PPHLN1: variants seen among roughly 807,000 people sequenced by gnomAD.
PPHLN1 encodes periphilin 1.
PPHLN1 carries 29 observed loss-of-function variants against 51.3 expected under a neutral mutation model. The observed-to-expected ratio is 0.57, with a 90% CI of 0.42 to 0.77. The LOEUF is 0.77. PPHLN1 is among the 30% of genes least tolerant of loss of function. The pLI, the probability that PPHLN1 is intolerant of heterozygous loss-of-function variation, is 0.00. For synonymous variants in PPHLN1, 147 were observed against 147.8 expected, an observed-to-expected ratio of 0.99 and a Z score of 0.04; for missense variants, 436 against 438.4, an observed-to-expected ratio of 0.99 and a Z score of 0.05.
intron 3 of PPHLN1, among the ~76,000 whole-genome samples, chr12:42,353,088 C>G (rs1482631130): frequency 7.1e-6 from 1 of 140,616 alleles, no homozygotes; most frequent in Non-Finnish European, 1.6e-5. Context: ...GACTTTGTCT[C>G]AAAAAAAAAA....
At chr12:42,401,288 A>G (rs1052796906) in intron 9 of PPHLN1, among the ~76,000 whole-genome samples, 6 of 152,146 alleles carry the variant, frequency 3.9e-5, no homozygotes, top group African/African-American at 1.4e-4. Flanking sequence ...CTCTCTTTTT[A>G]TTTTTATTTG....
At chr12:42,356,908 TA>T (rs1438891756) in intron 4 of PPHLN1, among the ~76,000 whole-genome samples, 1 of 152,194 alleles carries the variant, frequency 6.6e-6, no homozygotes, top group East Asian at 1.9e-4. Flanking sequence ...TTAAAGATAA[TA>T]TAATTATGCA....
intron 5 of PPHLN1, 140 bp from the exon 6 acceptor site, chr12:42,384,800 G>T: frequency 1.5e-6 from 1 of 667,930 alleles, no homozygotes; most frequent in Non-Finnish European, 2.5e-6. Flanking sequence ...CAACTTGAAA[G>T]TAGGGTAGGA....
intron 2 of PPHLN1, among the ~76,000 whole-genome samples, chr12:42,345,103 C>T (rs1029700333): frequency 4.6e-5 from 7 of 152,016 alleles, no homozygotes; most frequent in African/African-American, 1.2e-4. Context: ...TTCCTGTAAC[C>T]GATAGGTATA....
intron 7 of PPHLN1, among the ~76,000 whole-genome samples, chr12:42,388,564 G>A (rs1024417173): frequency 6.6e-6 from 1 of 152,128 alleles, no homozygotes; most frequent in East Asian, 1.9e-4. Flanking sequence ...ACCGGTGCTG[G>A]TGCAGGTCCT....
chr12:42,420,280 T>C (rs191106357), intron 9 of PPHLN1, among the ~76,000 whole-genome samples: 1 of 152,156 alleles, frequency 6.6e-6, no homozygotes, highest in Non-Finnish European at 1.5e-5. Flanking sequence ...TCATCTTGAA[T>C]GGTACAACTC....
chr12:42,345,351 A>G (rs1422381474), intron 2 of PPHLN1, among the ~76,000 whole-genome samples: 2 of 152,052 alleles, frequency 1.3e-5, no homozygotes, highest in African/African-American at 4.8e-5. Flanking sequence ...TTCCAAAAGT[A>G]TTTAAGTTTA....
At chr12:42,413,791 G>A (rs1477336975) in intron 9 of PPHLN1, among the ~76,000 whole-genome samples, 1 of 151,956 alleles carries the variant, frequency 6.6e-6, no homozygotes, top group Admixed American at 6.6e-5. Context: ...TCAAACTTCT[G>A]ACCACAAGTG....
intron 9 of PPHLN1, chr12:42,400,542 G>A (rs1181167696): frequency 6.6e-6 from 1 of 151,588 alleles, no homozygotes; most frequent in Non-Finnish European, 1.5e-5. Flanking sequence ...TGACCTTCGA[G>A]TAGTCCCTAA....
intron 9 of PPHLN1, among the ~76,000 whole-genome samples, chr12:42,419,272 C>T (rs1291845109): frequency 2.6e-5 from 4 of 152,102 alleles, no homozygotes; most frequent in Admixed American, 2.0e-4. Context: ...GATGGAGTCT[C>T]ACTCTGTTGC....
At chr12:42,388,496 A>G (rs529217897) in intron 7 of PPHLN1, among the ~76,000 whole-genome samples, 1 of 152,162 alleles carries the variant, frequency 6.6e-6, no homozygotes, top group South Asian at 2.1e-4. Context: ...CTGCTCTCCT[A>G]CTGCATTCCT....
intron 5 of PPHLN1, among the ~76,000 whole-genome samples, chr12:42,382,514 C>T (rs1218004557): frequency 6.6e-6 from 1 of 152,018 alleles, no homozygotes; most frequent in African/African-American, 2.4e-5. Context: ...GTAGTGTCTG[C>T]TTACAAAGAT....
At chr12:42,397,545 G>A (rs185816409) in intron 8 of PPHLN1, among the ~76,000 whole-genome samples, 3 of 129,392 alleles carry the variant, frequency 2.3e-5, no homozygotes, top group Admixed American at 1.6e-4. Flanking sequence ...TACACATTGT[G>A]TATAGGCCTA....
At chr12:42,445,106 T>C, downstream of PPHLN1, 1 of 702,398 alleles carries the variant, frequency 1.4e-6, no homozygotes, top group East Asian at 2.7e-5. Flanking sequence ...CCTTTTTTCT[T>C]TGACTTCAGT....
intron 9 of PPHLN1, among the ~76,000 whole-genome samples, chr12:42,421,854 G>GTT (rs888560858): frequency 4.1e-5 from 6 of 145,774 alleles, no homozygotes; most frequent in African/African-American, 1.5e-4. Context: ...GAAGGTTGGA[G>GTT]TTTTTTTTTT....
At chr12:42,367,954 C>T (rs115345351) in intron 4 of PPHLN1, among the ~76,000 whole-genome samples, 2,025 of 152,240 alleles carry the variant, frequency 0.013, 44 homozygotes, top group African/African-American at 0.045. Context: ...AGGCTGGTGT[C>T]GAACTCCTTG....
At chr12:42,343,791 C>T in intron 2 of PPHLN1, 2 of 363,790 alleles carry the variant, frequency 5.5e-6, no homozygotes, top group South Asian at 4.1e-5. Context: ...TGGCTACATT[C>T]TCGAATAAGA....
intron 8 of PPHLN1, among the ~76,000 whole-genome samples, chr12:42,395,458 G>T (rs1184327179): frequency 6.6e-6 from 1 of 151,962 alleles, no homozygotes; most frequent in Non-Finnish European, 1.5e-5. Flanking sequence ...GATAATTTTT[G>T]TAAACTTAGT....
intron 2 of PPHLN1, among the ~76,000 whole-genome samples, chr12:42,350,833 G>A (rs1397829557): frequency 6.6e-6 from 1 of 152,040 alleles, no homozygotes; most frequent in African/African-American, 2.4e-5. Context: ...GCATGGCGGC[G>A]CGCGCCTGCA....
Sources: allele counts gnomAD v4.1 joint callset (sites outside exome capture counted in the v4.1 genomes callset), GRCh38; gene constraint gnomAD v4.1.1; transcripts MANE v1.5; gene names NCBI Gene and HGNC (gene_info 2026-07-23, HGNC 2026-07-21).